Variants in MACROD2 observed in about 807,000 individuals in gnomAD.
MACROD2 encodes ADP-ribose glycohydrolase MACROD2.
In MACROD2, 36 loss-of-function variants were observed where a neutral mutation model predicts 70.4. The observed-to-expected ratio is 0.51, with a 90% CI of 0.39 to 0.68. The LOEUF is 0.68. Ranked by LOEUF, MACROD2 falls within the 30% of genes least tolerant of loss-of-function variation. The pLI, the probability that MACROD2 is intolerant of heterozygous loss-of-function variation, is 0.00. For missense variants in MACROD2, 496 were observed against 538.4 expected (o/e 0.92, Z 0.78); for synonymous variants, 172 against 178.8 (o/e 0.96, Z 0.30).
At chr20:15,055,830 C>G (rs2075480434) in intron 5 of MACROD2, among the ~76,000 whole-genome samples, 1 of 147,386 alleles carries the variant, frequency 6.8e-6, no homozygotes, top group African/African-American at 2.5e-5. Context: ...GAGTCTCACT[C>G]TGTTACCCAG....
intron 5 of MACROD2, among the ~76,000 whole-genome samples, chr20:14,942,490 G>A (rs1459136019): frequency 6.6e-6 from 1 of 150,820 alleles, no homozygotes; most frequent in Non-Finnish European, 1.5e-5. Context: ...GTGCTCCACG[G>A]TGTATCACCT....
intron 4 of MACROD2, among the ~76,000 whole-genome samples, chr20:14,667,637 C>T (rs182289239): frequency 2.0e-4 from 30 of 152,206 alleles, no homozygotes; most frequent in African/African-American, 3.4e-4. Flanking sequence ...GCATTTTAGA[C>T]GGGGCAAAAT....
chr20:14,727,240 T>G (rs2071540743), intron 5 of MACROD2, among the ~76,000 whole-genome samples: 1 of 152,188 alleles, frequency 6.6e-6, no homozygotes, highest in South Asian at 2.1e-4. Context: ...GATCCAGATA[T>G]TCTCCAAGAA....
chr20:14,192,984 G>T (rs972787299), intron 3 of MACROD2, among the ~76,000 whole-genome samples: 1 of 152,176 alleles, frequency 6.6e-6, no homozygotes, highest in African/African-American at 2.4e-5. Flanking sequence ...CTAAGGGCCT[G>T]GATTCTTTGT....
chr20:14,831,224 T>G (rs965853075), intron 5 of MACROD2, among the ~76,000 whole-genome samples: 1 of 152,156 alleles, frequency 6.6e-6, no homozygotes, highest in African/African-American at 2.4e-5. Flanking sequence ...TTACTCTGGA[T>G]TCCTACCTGT....
chr20:15,299,534 C>T (rs1468433012), intron 6 of MACROD2, among the ~76,000 whole-genome samples: 5 of 152,160 alleles, frequency 3.3e-5, no homozygotes, highest in Admixed American at 3.3e-4. Context: ...GTATTTTGGC[C>T]TCTCTAAATC....
At chr20:15,812,283 G>C (rs1600931615) in intron 8 of MACROD2, among the ~76,000 whole-genome samples, 1 of 152,240 alleles carries the variant, frequency 6.6e-6, no homozygotes, top group East Asian at 1.9e-4. Context: ...TTTTCACACT[G>C]TTATCTGAAC....
intron 5 of MACROD2, among the ~76,000 whole-genome samples, chr20:15,147,569 C>T (rs1420559485): frequency 6.6e-6 from 1 of 151,480 alleles, no homozygotes; most frequent in African/African-American, 2.4e-5. Context: ...CTTTTTGTGC[C>T]TTAAAATTAT....
chr20:15,856,839 A>G (rs558672030), intron 8 of MACROD2, among the ~76,000 whole-genome samples: 2 of 152,224 alleles, frequency 1.3e-5, no homozygotes, highest in African/African-American at 4.8e-5. Context: ...TTAAATATAC[A>G]AAGTTGCTTT....
At chr20:14,333,469 TAAGAACGA>T (rs1041657379) in intron 3 of MACROD2, among the ~76,000 whole-genome samples, 14 of 152,248 alleles carry the variant, frequency 9.2e-5, no homozygotes, top group African/African-American at 3.1e-4. Flanking sequence ...ACAAGAGTTG[TAAGAACGA>T]GTAAGATATT....
At chr20:15,991,400 A>G (rs1279653276) in intron 15 of MACROD2, among the ~76,000 whole-genome samples, 1 of 152,186 alleles carries the variant, frequency 6.6e-6, no homozygotes, top group Non-Finnish European at 1.5e-5. Context: ...TAGGATTCTT[A>G]CATCACTGGC....
At chr20:14,815,928 G>A (rs750744525) in intron 5 of MACROD2, among the ~76,000 whole-genome samples, 14 of 151,996 alleles carry the variant, frequency 9.2e-5, no homozygotes, top group Middle Eastern at 3.4e-3. Context: ...GTGTTCTCAC[G>A]TTCTATTTGA....
At chr20:14,494,077 G>C (rs1009933600) in intron 4 of MACROD2, 1 of 151,852 alleles carries the variant, frequency 6.6e-6, no homozygotes, top group African/African-American at 2.4e-5. Flanking sequence ...TCCTGTACTG[G>C]GAATTTTTTT....
At chr20:15,379,853 C>G (rs1420367761) in intron 6 of MACROD2, among the ~76,000 whole-genome samples, 1 of 152,162 alleles carries the variant, frequency 6.6e-6, no homozygotes, top group Non-Finnish European at 1.5e-5. Context: ...TTTAAACACT[C>G]CAAGGGCATC....
At chr20:14,685,418 A>C (rs1419317243) in intron 5 of MACROD2, among the ~76,000 whole-genome samples, 1 of 152,320 alleles carries the variant, frequency 6.6e-6, no homozygotes, top group Middle Eastern at 3.4e-3. Flanking sequence ...CTGATTGGCA[A>C]TTACAGCCAA....
intron 5 of MACROD2, among the ~76,000 whole-genome samples, chr20:15,215,856 C>A (rs1023761355): frequency 6.6e-6 from 1 of 151,978 alleles, no homozygotes; most frequent in Non-Finnish European, 1.5e-5. Context: ...AAGGAAACAG[C>A]TGAAGACTTA....
intron 8 of MACROD2, among the ~76,000 whole-genome samples, chr20:15,664,944 C>T (rs2049877208): frequency 1.3e-5 from 2 of 152,108 alleles, no homozygotes; most frequent in African/African-American, 4.8e-5. Context: ...AGTAATTCAA[C>T]TTATTGCACT....
At chr20:15,211,245 G>A (rs1478974998) in intron 5 of MACROD2, among the ~76,000 whole-genome samples, 1 of 152,030 alleles carries the variant, frequency 6.6e-6, no homozygotes, top group Non-Finnish European at 1.5e-5. Flanking sequence ...GATTTCCATG[G>A]TTCACTCATA....
chr20:15,872,509 G>A (rs141517067), intron 9 of MACROD2, among the ~76,000 whole-genome samples: 85 of 152,224 alleles, frequency 5.6e-4, no homozygotes, highest in African/African-American at 1.9e-3. Flanking sequence ...GTGGCTTTGC[G>A]CATGTTGTTT....
Sources: gnomAD v4.1 joint callset for allele counts (sites outside exome capture counted in the v4.1 genomes callset) on GRCh38, gnomAD v4.1.1 for gene constraint, MANE v1.5 for transcripts, NCBI Gene and HGNC (gene_info 2026-07-23, HGNC 2026-07-21) for gene names.